The following C14orf39 variants were observed in gnomAD, a reference collection of about 807,000 sequenced individuals.
C14orf39 encodes the protein chromosome 14 open reading frame 39.
Under a neutral mutation model 85.6 loss-of-function variants are expected in C14orf39, and 66 were observed. That is an observed-to-expected ratio of 0.77 (90% CI 0.63 to 0.95). C14orf39 has a LOEUF of 0.95. Ranked by LOEUF, C14orf39 falls within the 40% of genes least tolerant of loss-of-function variation. C14orf39 has a pLI of 0.00. For synonymous variants in C14orf39, 242 were observed against 214.0 expected (o/e 1.13, Z -1.14); for missense variants, 735 against 663.9 (o/e 1.11, Z -1.18).
intron 1 of C14orf39, chr14:60,510,007 G>T: frequency 6.4e-7 from 1 of 1,553,190 alleles, no homozygotes; most frequent in East Asian, 2.4e-5. Flanking sequence ...TGAGCGCACC[G>T]GGGAGGAGGC....
Position 60,484,455 on chromosome 14 carries a change from T to A in C14orf39, c.106+426A>T, listed in dbSNP as rs1185772995. 6.6e-6 allele frequency among the ~76,000 whole-genome samples: 1 copy of A among 152,192 alleles called. No individual in the cohort carries two copies. Among genetic ancestry groups the A allele is most frequent in the Non-Finnish European group, 1.5e-5 (1 of 68,038 alleles). On this transcript the variant is annotated intron_variant, in intron 3 of 17. Transcript: ENST00000321731. The surrounding 1 kb of genome is among the most constrained non-coding windows in gnomAD (Gnocchi z 4.2). ...AAATACTATACAGTATTTGTGTGAT[T>A]TGCCTTGCTATTTCTCTGATAACAT...
Position 60,491,981 on chromosome 14 carries a change from A to G in C14orf39, c.-8-6895T>C, listed in dbSNP as rs536133215. Among the ~76,000 whole-genome samples, 1 of 152,318 alleles carries G rather than the reference A, an allele frequency of 6.6e-6. No individual in the cohort carries two copies. Among genetic ancestry groups the G allele is most frequent in the Non-Finnish European group, 1.5e-5 (1 of 68,024 alleles). ...CAGGTACAACTACAGGTGCTTCCCT[A>G]TTGATCATGTATTTACAAGCCATTA... On this transcript the variant is annotated intron_variant, in intron 2 of 5. Coordinates refer to the C14orf39 transcript ENST00000556799. This position sits in a 1 kb window ranked among gnomAD's most constrained non-coding sequence, Gnocchi z 4.5.
chr14:60,450,289 C>T (rs1399339223), intron 16 of C14orf39, among the ~76,000 whole-genome samples: 5 of 152,082 alleles, frequency 3.3e-5, no homozygotes, highest in African/African-American at 1.2e-4. Flanking sequence ...CAGAGGGGAG[C>T]CCACTACCCT....
At chr14:60,514,678 G>A (rs1893337329) in intron 1 of C14orf39, among the ~76,000 whole-genome samples, 1 of 152,186 alleles carries the variant, frequency 6.6e-6, no homozygotes, top group South Asian at 2.1e-4. Context: ...TTAAACAAAT[G>A]ACAGGCAAAG....
At chr14:60,458,598 C>T (rs1327071885) in intron 14 of C14orf39, 80 bp downstream of exon 14, 1 of 1,006,610 alleles carries the variant, frequency 9.9e-7, no homozygotes, top group East Asian at 2.5e-5. Context: ...AATCACTGTA[C>T]TAAATCTGAA....
chr14:60,458,805 C>T (rs888699605), intron 13 of C14orf39, 66 bp from the exon 14 acceptor site: 23 of 1,363,152 alleles, frequency 1.7e-5, no homozygotes, highest in Admixed American at 2.0e-5. Flanking sequence ...AACATAGTCT[C>T]GCCATTTGAA....
rs1890249182 is a variant in C14orf39 at position 60,436,355 on chromosome 14, T to G, written c.*490A>C. 1 of 152,168 alleles carries G rather than the reference T, an allele frequency of 6.6e-6. No individual in the cohort carries two copies. The highest frequency in any genetic ancestry group is 2.1e-4 in the South Asian group (1 of 4,834). The allele number at this position is 152,168 out of a possible 1,614,324, so 9.4% of individuals were successfully genotyped here. The stretch of plus-strand genomic sequence containing the variant: ...AGATTTTGTTATTAACATAAATTAT[T>G]TGAAATTATTATTACAGTACCACTC... On this transcript the variant is annotated 3_prime_UTR_variant, in exon 18 of 18. Transcript: ENST00000321731.
chr14:60,468,870 A>C (rs1891928781), intron 8 of C14orf39, among the ~76,000 whole-genome samples: 1 of 151,572 alleles, frequency 6.6e-6, no homozygotes, highest in Non-Finnish European at 1.5e-5. Flanking sequence ...TCTTCTGTTT[A>C]CTAAAATGAT....
At chr14:60,474,351 G>A (rs1215863161) in intron 5 of C14orf39, among the ~76,000 whole-genome samples, 1 of 147,904 alleles carries the variant, frequency 6.8e-6, no homozygotes, top group Non-Finnish European at 1.5e-5. Flanking sequence ...TGCAAACAGG[G>A]ACAATTTGAC....
chr14:60,457,956 T>C (rs781697655), intron 14 of C14orf39, among the ~76,000 whole-genome samples: 2 of 151,994 alleles, frequency 1.3e-5, no homozygotes, highest in Non-Finnish European at 2.9e-5. Flanking sequence ...TTACTGATGA[T>C]AACTTTTTGT....
intron 13 of C14orf39, among the ~76,000 whole-genome samples, chr14:60,460,318 T>C (rs1035404384): frequency 4.0e-5 from 6 of 151,762 alleles, no homozygotes; most frequent in Non-Finnish European, 7.4e-5. Context: ...ATATATAGAT[T>C]ATAAACAAGT....
upstream of C14orf39, chr14:60,486,226 C>T (rs1017983997): frequency 4.6e-5 from 7 of 152,194 alleles, no homozygotes; most frequent in African/African-American, 1.7e-4. Flanking sequence ...GGAATAAGCC[C>T]CGTAAAACCA....
chr14:60,478,448 A>G, intron 4 of C14orf39, 59 bp from the exon 5 acceptor site: 1 of 812,278 alleles, frequency 1.2e-6, no homozygotes, highest in Non-Finnish European at 1.9e-6. Context: ...ATTGATAGAG[A>G]TAATAAAAAA....
chr14:60,475,187 T>A (rs1313557160), intron 5 of C14orf39, among the ~76,000 whole-genome samples: 1 of 152,208 alleles, frequency 6.6e-6, no homozygotes, highest in East Asian at 1.9e-4. Flanking sequence ...TTTATTTGCA[T>A]AGAGGTGTTT....
At chr14:60,477,950 C>T (rs928499524) in intron 5 of C14orf39, among the ~76,000 whole-genome samples, 1 of 151,992 alleles carries the variant, frequency 6.6e-6, no homozygotes, top group African/African-American at 2.4e-5. Context: ...AAGGCCGAGG[C>T]GGGCAGATCA....
chr14:60,440,558 C>T (rs1194809761), intron 17 of C14orf39, among the ~76,000 whole-genome samples: 2 of 152,188 alleles, frequency 1.3e-5, no homozygotes, highest in Non-Finnish European at 2.9e-5. Context: ...AGCTTCCTGA[C>T]CTTTCCCTGC....
chr14:60,460,876 G>A (rs1338619827), intron 13 of C14orf39, among the ~76,000 whole-genome samples: 4 of 151,612 alleles, frequency 2.6e-5, no homozygotes, highest in Admixed American at 6.6e-5. Flanking sequence ...ATTTATAATA[G>A]TAAAAGAACT....
chr14:60,460,341 C>G (rs149685004), intron 13 of C14orf39, among the ~76,000 whole-genome samples: 4 of 151,800 alleles, frequency 2.6e-5, no homozygotes, highest in African/African-American at 9.6e-5. Flanking sequence ...AACAGATCAC[C>G]TGCACATGTA....
intron 16 of C14orf39, among the ~76,000 whole-genome samples, chr14:60,449,081 A>G (rs962537112): frequency 1.3e-5 from 2 of 152,146 alleles, no homozygotes; most frequent in African/African-American, 4.8e-5. Flanking sequence ...GAAATACCCA[A>G]TGTAGATGAC....
Sources: gnomAD v4.1 joint callset for allele counts (sites outside exome capture counted in the v4.1 genomes callset) on GRCh38, gnomAD v4.1.1 for gene constraint, Gnocchi (gnomAD v3.1) non-coding constraint, MANE v1.5 for transcripts, NCBI Gene and HGNC (gene_info 2026-07-23, HGNC 2026-07-21) for gene names.